PTPRG: variants seen among roughly 807,000 people sequenced by gnomAD.
PTPRG encodes protein tyrosine phosphatase receptor type G.
PTPRG carries 102 observed loss-of-function variants against 165.3 expected under a neutral mutation model. That is an observed-to-expected ratio of 0.62 (90% CI 0.53 to 0.73). The LOEUF is 0.73. Ranked by LOEUF, PTPRG falls within the 30% of genes least tolerant of loss-of-function variation. PTPRG has a pLI of 0.00. For synonymous variants in PTPRG, 675 were observed against 669.5 expected (o/e 1.01, Z -0.13); for missense variants, 1,866 against 1,861.4 (o/e 1.00, Z -0.05).
chr3:61,724,891 G>A (rs2032194816), intron 1 of PTPRG, among the ~76,000 whole-genome samples: 1 of 152,050 alleles, frequency 6.6e-6, no homozygotes, highest in Non-Finnish European at 1.5e-5. Flanking sequence ...CATCAGATAT[G>A]TGGTTTGCAA....
At chr3:61,568,519 G>C (rs1269409754) in intron 1 of PTPRG, among the ~76,000 whole-genome samples, 1 of 152,168 alleles carries the variant, frequency 6.6e-6, no homozygotes, top group East Asian at 1.9e-4. Context: ...GATATTTGGT[G>C]TTTTGACAGA....
At chr3:61,819,771 T>A (rs1343872853) in intron 2 of PTPRG, among the ~76,000 whole-genome samples, 1 of 152,158 alleles carries the variant, frequency 6.6e-6, no homozygotes, top group Non-Finnish European at 1.5e-5. Flanking sequence ...CAAAATGTTT[T>A]TAGCACAAAA....
rs534036435 is a variant in PTPRG, at chr3:61,567,469, C to A, written c.85+5097C>A. Among the ~76,000 whole-genome samples the A allele has an allele frequency of 3.8e-4, 58 of 152,078 alleles. 1 individual carries two copies. In the South Asian group the frequency reaches 0.012, roughly 31 times the overall value. ...GGAGGGTCACTTGAGCCCAGAAGTT[C>A]GAGACCAGCCAGGGCAACATAGGGA... On this transcript the variant is annotated intron_variant, in intron 1 of 29. Coordinates refer to ENST00000474889, the MANE Select transcript of PTPRG (RefSeq NM_002841.4).
chr3:62,004,354 T>G (rs1201429336), intron 4 of PTPRG, among the ~76,000 whole-genome samples: 2 of 152,164 alleles, frequency 1.3e-5, no homozygotes, highest in Non-Finnish European at 2.9e-5. Context: ...TGGATAAACA[T>G]AGAAATTGAC....
chr3:61,638,311 A>T (rs1174656797), intron 1 of PTPRG, among the ~76,000 whole-genome samples: 1 of 151,874 alleles, frequency 6.6e-6, no homozygotes, highest in Non-Finnish European at 1.5e-5. Flanking sequence ...GAATTTCAGG[A>T]CCTTGCTGTA....
At chr3:62,187,243 G>A (rs555448135) in intron 8 of PTPRG, among the ~76,000 whole-genome samples, 2 of 152,318 alleles carry the variant, frequency 1.3e-5, no homozygotes, top group Middle Eastern at 6.8e-3. Flanking sequence ...CTCTGTGAAG[G>A]AGCAGGCCTG....
At chr3:62,059,662 C>A (rs112904371) in intron 4 of PTPRG, among the ~76,000 whole-genome samples, 1 of 152,142 alleles carries the variant, frequency 6.6e-6, no homozygotes, top group East Asian at 1.9e-4. Context: ...ACACGGCAAA[C>A]CCCATGATAT....
rs1166034050 is a variant in PTPRG, at chr3:62,222,118, TATC to T, written c.2288+3140_2288+3142del. 6.6e-6 allele frequency among the ~76,000 whole-genome samples: 1 copy of T among 152,238 alleles called. No individual in the cohort carries two copies. The highest frequency in any genetic ancestry group is 6.5e-5 in the Admixed American group (1 of 15,286). On this transcript the variant is annotated intron_variant, in intron 13 of 29. Transcript: ENST00000474889. The surrounding 1 kb of genome is among the most constrained non-coding windows in gnomAD (Gnocchi z 4.5). ...CTGCTATGGGCCAAATAGTTGGCAA[TATC>T]ATCACCAGAACCCTTTTGTTGTTCA... is the stretch of plus-strand genomic sequence containing the variant.
chr3:62,221,825 C>G lies in PTPRG; in HGVS notation c.2288+2842C>G, dbSNP rs1700658339. 3.3e-5 allele frequency among the ~76,000 whole-genome samples: 5 copies of G among 152,306 alleles called. No individual in the cohort carries two copies. The South Asian group carries it at 8.3e-4, about 25-fold the overall frequency. On this transcript the variant is annotated intron_variant, in intron 13 of 29. Transcript: ENST00000474889. ...GTGTGTTTTCTCCAAGTTGTTGATA[C>G]TACAACTTAATAGGTTCATGAAATA...
intron 4 of PTPRG, among the ~76,000 whole-genome samples, chr3:62,033,842 A>C (rs1246808943): frequency 6.6e-6 from 1 of 152,154 alleles, no homozygotes; most frequent in African/African-American, 2.4e-5. Context: ...ACCTCAGCTC[A>C]CTGCAACCTC....
chr3:62,156,823 G>C (rs1329670196), intron 6 of PTPRG, among the ~76,000 whole-genome samples: 2 of 152,110 alleles, frequency 1.3e-5, no homozygotes, highest in Non-Finnish European at 2.9e-5. Flanking sequence ...GCCCAACCAT[G>C]TTCATCATGG....
chr3:62,001,338 CT>C (rs2041167685), intron 3 of PTPRG, among the ~76,000 whole-genome samples: 1 of 152,138 alleles, frequency 6.6e-6, no homozygotes, highest in Non-Finnish European at 1.5e-5. Context: ...AAAATGACCC[CT>C]GACAGAGATA....
chr3:62,150,999 A>G (rs1704315112), intron 6 of PTPRG, among the ~76,000 whole-genome samples: 1 of 152,226 alleles, frequency 6.6e-6, no homozygotes, highest in African/African-American at 2.4e-5. Flanking sequence ...CATTGAAAAT[A>G]TTAGGCTATT....
intron 1 of PTPRG, among the ~76,000 whole-genome samples, chr3:61,607,404 A>G (rs58169795): frequency 9.8e-5 from 15 of 152,310 alleles, no homozygotes; most frequent in Non-Finnish European, 1.9e-4. Context: ...TTTGGGATCC[A>G]TTAAAACTGA....
At chr3:61,836,736 G>A (rs2036474006) in intron 2 of PTPRG, among the ~76,000 whole-genome samples, 1 of 25,300 alleles carries the variant, frequency 4.0e-5, no homozygotes, top group African/African-American at 5.0e-4. Flanking sequence ...TGTTGTTGTT[G>A]TTTTTTGTTT....
At chr3:62,188,255 G>A (rs557839407) in intron 8 of PTPRG, among the ~76,000 whole-genome samples, 1 of 152,220 alleles carries the variant, frequency 6.6e-6, no homozygotes, top group East Asian at 1.9e-4. Context: ...TGCACCTGTA[G>A]TCCTAGCTAC....
At chr3:61,910,500 C>A (rs140306572) in intron 2 of PTPRG, among the ~76,000 whole-genome samples, 1 of 152,252 alleles carries the variant, frequency 6.6e-6, no homozygotes, top group African/African-American at 2.4e-5. Flanking sequence ...TCATTTTACA[C>A]CTTTAACCAC....
At chr3:61,945,395 A>C (rs967689302) in intron 2 of PTPRG, among the ~76,000 whole-genome samples, 2 of 151,766 alleles carry the variant, frequency 1.3e-5, no homozygotes, top group Non-Finnish European at 2.9e-5. Context: ...CCCTTTCTCT[A>C]CTGAAAATAC....
intron 1 of PTPRG, among the ~76,000 whole-genome samples, chr3:61,656,824 C>T (rs1371846284): frequency 6.6e-6 from 1 of 152,168 alleles, no homozygotes; most frequent in Non-Finnish European, 1.5e-5. Flanking sequence ...AATGTTTTTA[C>T]TTATTCTCCA....
Sources: allele counts gnomAD v4.1 joint callset (sites outside exome capture counted in the v4.1 genomes callset), GRCh38; gene constraint gnomAD v4.1.1; non-coding constraint Gnocchi (gnomAD v3.1); transcripts MANE v1.5; gene names NCBI Gene and HGNC (gene_info 2026-07-23, HGNC 2026-07-21).